DDX60: variants seen among roughly 807,000 people sequenced by gnomAD.
DDX60 encodes probable ATP-dependent RNA helicase DDX60.
A neutral mutation model predicts 212.8 loss-of-function variants in DDX60; 165 were observed. That is an observed-to-expected ratio of 0.78 (90% CI 0.68 to 0.88). The LOEUF (loss-of-function observed/expected upper bound fraction) is 0.88, where lower values mean the gene tolerates loss of function less well. Ranked by LOEUF, DDX60 falls within the 40% of genes least tolerant of loss-of-function variation. The pLI is 0.00. For synonymous variants in DDX60, 703 were observed against 685.3 expected (o/e 1.03, Z -0.40); for missense variants, 1,905 against 2,003.9 (o/e 0.95, Z 0.94).
intron 33 of DDX60, among the ~76,000 whole-genome samples, chr4:168,233,102 A>ATTTTCATTACT (rs1165675363): frequency 6.6e-6 from 1 of 152,076 alleles, no homozygotes; most frequent in Admixed American, 6.6e-5. Flanking sequence ...CAAACATATG[A>ATTTTCATTACT]AAAAAATGCT....
intron 22 of DDX60, among the ~76,000 whole-genome samples, chr4:168,265,144 T>C (rs1159010508): frequency 6.6e-6 from 1 of 152,144 alleles, no homozygotes; most frequent in Non-Finnish European, 1.5e-5. Context: ...AAACAAGCCA[T>C]GTATGGATTG....
upstream of DDX60, among the ~76,000 whole-genome samples, chr4:168,321,976 T>C (rs1737618192): frequency 6.6e-6 from 1 of 152,188 alleles, no homozygotes; most frequent in African/African-American, 2.4e-5. Flanking sequence ...GCCCTTCTCT[T>C]TTCAGCATGG....
chr4:168,321,475 T>C (rs896717456), upstream of DDX60, among the ~76,000 whole-genome samples: 1 of 152,254 alleles, frequency 6.6e-6, no homozygotes. Flanking sequence ...TCTCATCAAA[T>C]GTATTATTTA....
intron 7 of DDX60, 52 bp downstream of exon 7, chr4:168,293,735 T>C: frequency 6.9e-7 from 1 of 1,443,098 alleles, no homozygotes; most frequent in East Asian, 2.3e-5. Flanking sequence ...ATCAACAAAA[T>C]TTCAAATGTG....
intron 11 of DDX60, among the ~76,000 whole-genome samples, 159 bp from the exon 12 acceptor site, chr4:168,285,094 A>G (rs1040277342): frequency 6.6e-6 from 1 of 152,234 alleles, no homozygotes; most frequent in Admixed American, 6.5e-5. Flanking sequence ...TAGAGGTTTA[A>G]TAAATCAAAA....
In DDX60 at chr4:168,263,530, A is replaced by T. The variant is rs1387368684; in HGVS notation, c.3040-743T>A. On this transcript the variant is annotated intron_variant, in intron 22 of 37. Coordinates refer to ENST00000393743, the MANE Select transcript of DDX60 (RefSeq NM_017631.6). ...GTTTGTCTTCCCCCAAAACTTACAT[A>T]TTGAAACCGAATCCCCAATGTGATG... The T allele has an allele frequency of 2.6e-5, 4 of 152,296 alleles. No homozygotes were observed. The East Asian group carries it at 7.7e-4, about 29-fold the overall frequency. 9.4% of individuals were successfully genotyped at this position (152,296 alleles called of 1,614,324 possible). A position where few individuals can be genotyped will look rare whatever the true frequency, so the allele number is the denominator to read the frequency against.
chr4:168,302,240 C>T, intron 6 of DDX60, 60 bp downstream of exon 6: 1 of 840,914 alleles, frequency 1.2e-6, no homozygotes, highest in Non-Finnish European at 1.8e-6. Flanking sequence ...ATGATTTTTG[C>T]AACTTTTCTA....
chr4:168,273,290 A>C lies in DDX60; in HGVS notation c.2563T>G (p.Leu855Val). The C allele has an allele frequency of 6.2e-7, 1 of 1,613,634 alleles. No individual in the cohort carries two copies. The highest frequency in any genetic ancestry group is 8.5e-7 in the Non-Finnish European group (1 of 1,179,742). ...VFTREYRHDA[L>V]NCQVLITVPA... ...TTAAAATACCCTACCTGACAGTTTA[A>C]GGCATCATGACGATACTCCCTGGTG... Residue 855 changes from leucine to valine, a missense_variant, in exon 18 of 38, where the codon TTA becomes GTA. Physicochemically the swap from Leu to Val is conservative, Grantham distance 32 (BLOSUM62 1). Transcript: ENST00000393743.
chr4:168,217,434 G>A (rs1283550488), intron 37 of DDX60, among the ~76,000 whole-genome samples: 1 of 152,088 alleles, frequency 6.6e-6, no homozygotes, highest in African/African-American at 2.4e-5. Context: ...CTACGAAGAG[G>A]AAAATATTGC....
chr4:168,252,426 T>A (rs753951219), intron 27 of DDX60, 83 bp downstream of exon 27: 101 of 1,491,752 alleles, frequency 6.8e-5, no homozygotes, highest in Non-Finnish European at 8.5e-5. Context: ...TATGCATATA[T>A]CTTATTAAGC....
chr4:168,286,288 C>T (rs1648041633), intron 10 of DDX60, among the ~76,000 whole-genome samples: 2 of 150,824 alleles, frequency 1.3e-5, no homozygotes, highest in Admixed American at 1.3e-4. Flanking sequence ...TATACAAAGA[C>T]TTTCATGAAA....
At chr4:168,240,644 C>CTA (rs939299241) in intron 30 of DDX60, among the ~76,000 whole-genome samples, 2 of 152,082 alleles carry the variant, frequency 1.3e-5, no homozygotes, top group Non-Finnish European at 2.9e-5. Flanking sequence ...AGAAACAAGA[C>CTA]TATACATTTA....
chr4:168,277,387 T>C (rs1031372313), intron 14 of DDX60, among the ~76,000 whole-genome samples: 12 of 152,164 alleles, frequency 7.9e-5, no homozygotes, highest in African/African-American at 2.9e-4. Context: ...TTATAAGTTG[T>C]TCTTTTTGCA....
chr4:168,216,877 G>T lies in DDX60; in HGVS notation c.*56C>A. The stretch of plus-strand genomic sequence containing the variant: ...GGCAAGAAGCATAAGAATCAAAAAC[G>T]TGACCTGAAAAACTACTATGGAATT... On this transcript the variant is annotated 3_prime_UTR_variant, in exon 38 of 38. Coordinates refer to ENST00000393743, the MANE Select transcript of DDX60 (RefSeq NM_017631.6). 1 of 1,089,862 alleles carries T rather than the reference G, an allele frequency of 9.2e-7. No homozygotes were observed. The highest frequency in any genetic ancestry group is 1.3e-6 in the Non-Finnish European group (1 of 748,872). 67.5% of individuals were successfully genotyped at this position (1,089,862 alleles called of 1,614,324 possible). A position where few individuals can be genotyped will look rare whatever the true frequency, so the allele number is the denominator to read the frequency against.
At position 168,221,877 on chromosome 4, in the gene DDX60, G is replaced by GT. The variant is rs777924977; in HGVS notation, c.4828dup (p.Thr1610AsnfsTer21). On this transcript the variant is annotated frameshift_variant, in exon 36 of 38. Transcript: ENST00000393743. LOFTEE classifies it high-confidence loss of function. ...GCGATTGACACCGATTGTGCCTAGA[G>GT]TAACCTGAAAAAATACGATTATTCT... The GT allele has an allele frequency of 8.1e-6, 13 of 1,609,122 alleles. No individual in the cohort carries two copies. Among genetic ancestry groups the GT allele is most frequent in the Non-Finnish European group, 9.3e-6 (11 of 1,176,850 alleles).
At chr4:168,305,901 G>C (rs1736854526) in intron 5 of DDX60, among the ~76,000 whole-genome samples, 1 of 151,828 alleles carries the variant, frequency 6.6e-6, no homozygotes, top group Non-Finnish European at 1.5e-5. Context: ...ATAGCATTTT[G>C]TCAATATGTC....
chr4:168,297,463 A>G (rs1429937232), intron 6 of DDX60, among the ~76,000 whole-genome samples: 1 of 152,186 alleles, frequency 6.6e-6, no homozygotes, highest in East Asian at 1.9e-4. Flanking sequence ...ATGCAGAAAT[A>G]AAGAATAAGT....
intron 10 of DDX60, among the ~76,000 whole-genome samples, chr4:168,286,334 G>A (rs1016686494): frequency 1.3e-5 from 2 of 148,800 alleles, no homozygotes; most frequent in Non-Finnish European, 3.0e-5. Flanking sequence ...AATACAGATG[G>A]TAATGAAATT....
chr4:168,261,076 CTAATATA>C (rs1734605679), intron 24 of DDX60, 87 bp from the exon 25 acceptor site: 2 of 1,403,598 alleles, frequency 1.4e-6, no homozygotes, highest in Admixed American at 2.3e-5. Context: ...TCATAGTTGT[CTAATATA>C]TGTTTTTGGG....
Sources: allele counts gnomAD v4.1 joint callset (sites outside exome capture counted in the v4.1 genomes callset), GRCh38; gene constraint gnomAD v4.1.1; transcripts MANE v1.5; gene names NCBI Gene and HGNC (gene_info 2026-07-23, HGNC 2026-07-21).